MAP3K20: variants seen among roughly 807,000 people sequenced by gnomAD.
MAP3K20 encodes HCCS-4.
In MAP3K20, 40 loss-of-function variants were observed where a neutral mutation model predicts 85.7. The observed-to-expected ratio is 0.47, with a 90% CI of 0.36 to 0.61. MAP3K20 has a LOEUF of 0.61. Ranked by LOEUF, MAP3K20 falls within the 20% of genes least tolerant of loss-of-function variation. The probability of loss-of-function intolerance (pLI) is 0.00; values close to 1 mark genes in which losing one functional copy is unlikely to be tolerated. For missense variants in MAP3K20, 817 were observed against 961.7 expected (o/e 0.85, Z 1.99); for synonymous variants, 325 against 327.7 (o/e 0.99, Z 0.09).
At chr2:173,173,314 C>T (rs1690062645) in intron 3 of MAP3K20, among the ~76,000 whole-genome samples, 1 of 152,014 alleles carries the variant, frequency 6.6e-6, no homozygotes, top group Non-Finnish European at 1.5e-5. Flanking sequence ...GAGGAACCCA[C>T]ACCCAAAGTA....
chr2:173,076,753 C>T (rs140309999), intron 1 of MAP3K20, among the ~76,000 whole-genome samples: 5 of 152,214 alleles, frequency 3.3e-5, no homozygotes, highest in Non-Finnish European at 5.9e-5. Context: ...CCACCGGAGC[C>T]GGGGATGTCT....
chr2:173,084,004 G>A (rs35250703), intron 1 of MAP3K20, among the ~76,000 whole-genome samples: 41,109 of 152,008 alleles, frequency 0.27, 6,900 homozygotes, highest in Non-Finnish European at 0.37. Flanking sequence ...AGAAATATAG[G>A]CCCATATAAA....
At chr2:173,208,964 A>G (rs184888690) in intron 9 of MAP3K20, among the ~76,000 whole-genome samples, 2 of 152,342 alleles carry the variant, frequency 1.3e-5, no homozygotes, top group African/African-American at 4.8e-5. Context: ...ACACTTAACC[A>G]CTGCTCATTT....
At chr2:173,133,789 C>T (rs1453958470) in intron 2 of MAP3K20, among the ~76,000 whole-genome samples, 2 of 151,432 alleles carry the variant, frequency 1.3e-5, no homozygotes, top group Non-Finnish European at 2.9e-5. Flanking sequence ...TTGAGACCAT[C>T]CTGGCTAACA....
chr2:173,147,254 C>G (rs1037888805), intron 2 of MAP3K20, among the ~76,000 whole-genome samples: 2 of 152,154 alleles, frequency 1.3e-5, no homozygotes, highest in African/African-American at 4.8e-5. Flanking sequence ...GTTGTCATAT[C>G]TAAGAGGGCT....
At chr2:173,095,200 A>G (rs761800937) in intron 2 of MAP3K20, among the ~76,000 whole-genome samples, 1 of 152,290 alleles carries the variant, frequency 6.6e-6, no homozygotes, top group South Asian at 2.1e-4. Context: ...AGCTCTTTCC[A>G]GCTGGCTCTT....
chr2:173,242,745 T>C (rs1483471693), intron 16 of MAP3K20, among the ~76,000 whole-genome samples: 2 of 145,890 alleles, frequency 1.4e-5, no homozygotes, highest in Admixed American at 7.0e-5. Context: ...CTCCTTCTGT[T>C]GCCCAGGCTG....
intron 18 of MAP3K20, among the ~76,000 whole-genome samples, chr2:173,262,579 G>C (rs1326726855): frequency 1.3e-5 from 2 of 150,660 alleles, no homozygotes; most frequent in Non-Finnish European, 1.5e-5. Context: ...CAGCCCAGGA[G>C]ACAAGAGCAA....
intron 2 of MAP3K20, among the ~76,000 whole-genome samples, chr2:173,140,081 A>G (rs1291720336): frequency 6.6e-6 from 1 of 152,078 alleles, no homozygotes; most frequent in Non-Finnish European, 1.5e-5. Context: ...GCGCAATCTC[A>G]GCTCACTGCA....
rs866561876 is a variant in MAP3K20 at position 173,256,579 on chromosome 2, G to C, written c.1360-2120G>C. On this transcript the variant is annotated intron_variant, in intron 16 of 19. Coordinates refer to ENST00000375213, the MANE Select transcript of MAP3K20 (RefSeq NM_016653.3). ...GAGAATGTGCATTTATGGTCCAGGG[G>C]TCAAATTTGGTACAAAGACATGAGT... 3.3e-5 allele frequency among the ~76,000 whole-genome samples: 5 copies of C among 152,200 alleles called. No individual in the cohort carries two copies. In the South Asian group the frequency reaches 1.0e-3, roughly 32 times the overall value.
chr2:173,222,414 G>A, intron 11 of MAP3K20: 1 of 985,838 alleles, frequency 1.0e-6, no homozygotes, highest in Non-Finnish European at 1.2e-6. Flanking sequence ...ACCAACAGCA[G>A]ATGTTGCAAA....
intron 11 of MAP3K20, chr2:173,225,401 C>A (rs1041600807): frequency 7.7e-6 from 2 of 259,214 alleles, no homozygotes; most frequent in African/African-American, 4.6e-5. Context: ...CGAGACCAGC[C>A]TGGCCAACAT....
chr2:173,196,409 C>T (rs1690842100), intron 7 of MAP3K20, among the ~76,000 whole-genome samples: 1 of 152,154 alleles, frequency 6.6e-6, no homozygotes, highest in African/African-American at 2.4e-5. Flanking sequence ...GAATTGTCCC[C>T]TTGTGGGATG....
At chr2:173,244,372 T>A (rs1428371566) in intron 16 of MAP3K20, among the ~76,000 whole-genome samples, 1 of 152,230 alleles carries the variant, frequency 6.6e-6, no homozygotes, top group Non-Finnish European at 1.5e-5. Context: ...TTCCTGAATA[T>A]AATGCTTAAA....
intron 16 of MAP3K20, among the ~76,000 whole-genome samples, chr2:173,254,207 AGATCGAGACCATCCTG>A (rs1271307697): frequency 4.0e-5 from 6 of 151,588 alleles, no homozygotes; most frequent in Non-Finnish European, 7.4e-5. Flanking sequence ...TGAGGTTAGG[AGATCGAGACCATCCTG>A]GCTAACATGG....
chr2:173,135,588 A>G (rs1003127736), intron 2 of MAP3K20, among the ~76,000 whole-genome samples: 3 of 152,198 alleles, frequency 2.0e-5, no homozygotes, highest in Admixed American at 1.3e-4. Flanking sequence ...AGAATCCTGA[A>G]TGAAGGAGAT....
At chr2:173,167,396 T>G (rs558649237) in intron 2 of MAP3K20, among the ~76,000 whole-genome samples, 2 of 152,262 alleles carry the variant, frequency 1.3e-5, no homozygotes, top group African/African-American at 4.8e-5. Context: ...CATTTGACCT[T>G]CATTTATTAC....
chr2:173,178,659 G>A (rs1009216999), intron 3 of MAP3K20, among the ~76,000 whole-genome samples: 1 of 151,978 alleles, frequency 6.6e-6, no homozygotes, highest in Non-Finnish European at 1.5e-5. Context: ...AATAATAATT[G>A]AATTAGTAAT....
intron 2 of MAP3K20, 21 bp downstream of exon 2, chr2:173,091,211 C>G (rs368288864): frequency 5.6e-6 from 9 of 1,603,244 alleles, no homozygotes; most frequent in Non-Finnish European, 7.7e-6. Context: ...TTCCAGCTGA[C>G]AGAAACAGTC....
Sources: allele counts gnomAD v4.1 joint callset (sites outside exome capture counted in the v4.1 genomes callset), GRCh38; gene constraint gnomAD v4.1.1; transcripts MANE v1.5; gene names NCBI Gene and HGNC (gene_info 2026-07-23, HGNC 2026-07-21).